PTPRD: variants seen among roughly 807,000 people sequenced by gnomAD.
PTPRD encodes the protein protein tyrosine phosphatase receptor type D, also known as receptor-type tyrosine-protein phosphatase delta.
Under a neutral mutation model 214.5 loss-of-function variants are expected in PTPRD, and 34 were observed. The observed-to-expected ratio is 0.16, with a 90% CI of 0.12 to 0.21. The LOEUF (loss-of-function observed/expected upper bound fraction) is 0.21, where lower values mean the gene tolerates loss of function less well. Ranked by LOEUF, PTPRD falls within the 10% of genes least tolerant of loss-of-function variation. The pLI is 1.00. For synonymous variants in PTPRD, 1,128 were observed against 845.7 expected, an observed-to-expected ratio of 1.33 and a Z score of -5.79; for missense variants, 2,545 against 2,398.7, an observed-to-expected ratio of 1.06 and a Z score of -1.27.
intron 8 of PTPRD, among the ~76,000 whole-genome samples, chr9:9,487,044 C>T (rs1171999014): frequency 6.6e-6 from 1 of 151,990 alleles, no homozygotes; most frequent in Non-Finnish European, 1.5e-5. Flanking sequence ...GCAAACCAGT[C>T]ATTACTCATT....
chr9:10,503,222 A>G (rs1566570752), intron 2 of PTPRD, among the ~76,000 whole-genome samples: 2 of 143,856 alleles, frequency 1.4e-5, no homozygotes, highest in African/African-American at 5.1e-5. Flanking sequence ...AAAAAACACC[A>G]TTTTTTTCCC....
intron 12 of PTPRD, among the ~76,000 whole-genome samples, chr9:8,671,764 G>T (rs1054182440): frequency 2.6e-5 from 4 of 152,192 alleles, no homozygotes; most frequent in Non-Finnish European, 1.5e-5. Flanking sequence ...TGCAACTTAC[G>T]ACTTTTAGAA....
chr9:9,045,169 G>A (rs2099668304), intron 10 of PTPRD, among the ~76,000 whole-genome samples: 1 of 152,152 alleles, frequency 6.6e-6, no homozygotes. Context: ...AGAGCACTTA[G>A]ATGAATTACA....
At chr9:9,448,548 A>G (rs921151070) in intron 8 of PTPRD, among the ~76,000 whole-genome samples, 4 of 152,076 alleles carry the variant, frequency 2.6e-5, no homozygotes, top group African/African-American at 9.7e-5. Flanking sequence ...TGGAACTGTG[A>G]GCCAATTAAA....
intron 11 of PTPRD, among the ~76,000 whole-genome samples, chr9:8,792,471 A>C (rs2096268216): frequency 6.6e-6 from 1 of 152,196 alleles, no homozygotes; most frequent in Non-Finnish European, 1.5e-5. Context: ...AGAAGCATTT[A>C]TAATGGAGGT....
intron 5 of PTPRD, among the ~76,000 whole-genome samples, chr9:9,847,941 C>T (rs545298749): frequency 6.6e-6 from 1 of 152,108 alleles, no homozygotes; most frequent in African/African-American, 2.4e-5. Context: ...CCTGCTAGAA[C>T]AGCCCCCAGC....
intron 2 of PTPRD, among the ~76,000 whole-genome samples, chr9:10,427,803 T>A (rs2098637505): frequency 6.6e-6 from 1 of 152,066 alleles, no homozygotes; most frequent in African/African-American, 2.4e-5. Context: ...CATGAGTGAT[T>A]GGCCACTAAA....
At chr9:10,117,216 C>G (rs1433019403) in intron 3 of PTPRD, among the ~76,000 whole-genome samples, 1 of 152,000 alleles carries the variant, frequency 6.6e-6, no homozygotes, top group Non-Finnish European at 1.5e-5. Flanking sequence ...TTCAACACGG[C>G]AAGAAAACAG....
intron 28 of PTPRD, 103 bp downstream of exon 28, chr9:8,485,659 T>C: frequency 9.6e-7 from 1 of 1,037,382 alleles, no homozygotes; most frequent in South Asian, 1.7e-5. Flanking sequence ...TTGCTGAACC[T>C]ATTAATATGA....
At chr9:10,286,591 T>A (rs1214895157) in intron 3 of PTPRD, among the ~76,000 whole-genome samples, 1 of 152,110 alleles carries the variant, frequency 6.6e-6, no homozygotes, top group Non-Finnish European at 1.5e-5. Context: ...ACTATAAATG[T>A]TTTTTTGTTT....
Position 10,150,059 on chromosome 9 carries a change from C to G in PTPRD, c.-544-116269G>C, listed in dbSNP as rs1190405104. On this transcript the variant is annotated intron_variant, in intron 3 of 45. Transcript: ENST00000381196. ...CATTATTTTTATAATTAAAAATTGT[C>G]AGGAAAAAAGCTACCTATATGTTTT... Among the ~76,000 whole-genome samples, 5 of 152,020 alleles carry G rather than the reference C, an allele frequency of 3.3e-5. No individual in the cohort carries two copies. In the South Asian group the frequency reaches 8.3e-4, roughly 25 times the overall value.
intron 14 of PTPRD, among the ~76,000 whole-genome samples, chr9:8,626,981 T>A (rs2096063782): frequency 6.6e-6 from 1 of 151,722 alleles, no homozygotes; most frequent in South Asian, 2.1e-4. Context: ...CCATCAATAC[T>A]CAGTGATTTC....
intron 10 of PTPRD, among the ~76,000 whole-genome samples, chr9:9,157,821 C>T (rs1237931614): frequency 1.3e-5 from 2 of 152,110 alleles, no homozygotes; most frequent in Non-Finnish European, 2.9e-5. Context: ...ATCCCATTAC[C>T]CAGGTATTAA....
chr9:10,113,587 A>C (rs555165851), intron 3 of PTPRD, among the ~76,000 whole-genome samples: 1 of 152,272 alleles, frequency 6.6e-6, no homozygotes, highest in East Asian at 1.9e-4. Flanking sequence ...GATTCCAGAC[A>C]CCTCTCCAGA....
chr9:8,321,477 GTGTGTGTGTGTATATATATATATATA>G lies in PTPRD; in HGVS notation c.5535-1537_5535-1512del, dbSNP rs1403099049. Among the ~76,000 whole-genome samples the G allele has an allele frequency of 4.4e-3, 331 of 75,388 alleles. 9 individuals carry two copies. Among genetic ancestry groups the G allele is most frequent in the African/African-American group, 0.016 (281 of 17,218 alleles). 49.5% of individuals were successfully genotyped at this position (75,388 alleles called of 152,430 possible). On this transcript the variant is annotated intron_variant, in intron 44 of 45. Transcript: ENST00000381196. ...AAGTCTTCTTTGTGTGTGTGTGTGTGTGTGTGTGTGTATATATATATATATATATATATATATATATATATATATAA... is the reference window on the plus strand; with the variant it reads ...AAGTCTTCTTTGTGTGTGTGTGTGTGTATATATATATATATATATATATAA...
intron 10 of PTPRD, among the ~76,000 whole-genome samples, chr9:9,159,358 T>C (rs1182234146): frequency 1.3e-5 from 2 of 152,198 alleles, no homozygotes; most frequent in Non-Finnish European, 2.9e-5. Flanking sequence ...AACAAACTTA[T>C]CATTGTTGCA....
chr9:8,644,423 A>G (rs1056956933), intron 12 of PTPRD, among the ~76,000 whole-genome samples: 5 of 152,292 alleles, frequency 3.3e-5, no homozygotes, highest in African/African-American at 9.6e-5. Flanking sequence ...CTTCCTGGTC[A>G]CAGGACAAGA....
intron 9 of PTPRD, among the ~76,000 whole-genome samples, chr9:9,332,901 A>T (rs960883224): frequency 6.6e-6 from 1 of 152,074 alleles, no homozygotes; most frequent in Non-Finnish European, 1.5e-5. Context: ...GCTAACATTA[A>T]TCATAAAAAG....
intron 2 of PTPRD, among the ~76,000 whole-genome samples, chr9:10,539,233 G>A (rs1187500153): frequency 6.6e-6 from 1 of 152,156 alleles, no homozygotes; most frequent in Admixed American, 6.5e-5. Flanking sequence ...TGCCCAGGTT[G>A]GAGTGCAGTG....
Sources: gnomAD v4.1 joint callset for allele counts (sites outside exome capture counted in the v4.1 genomes callset) on GRCh38, gnomAD v4.1.1 for gene constraint, MANE v1.5 for transcripts, NCBI Gene and HGNC (gene_info 2026-07-23, HGNC 2026-07-21) for gene names.